The following FBXL7 variants were observed in gnomAD, a reference collection of about 807,000 sequenced individuals.
FBXL7 encodes F-box and leucine rich repeat protein 7.
In FBXL7, 12 loss-of-function variants were observed where a neutral mutation model predicts 38.3. The observed-to-expected ratio is 0.31, with a 90% confidence interval of 0.20 to 0.51. FBXL7 has a LOEUF of 0.51. FBXL7 is among the 20% of genes least tolerant of loss of function. FBXL7 has a pLI of 0.98. For synonymous variants in FBXL7, 297 were observed against 300.9 expected, an observed-to-expected ratio of 0.99 and a Z score of 0.13; for missense variants, 567 against 676.4, an observed-to-expected ratio of 0.84 and a Z score of 1.79.
chr5:15,715,405 C>T (rs376612692), intron 2 of FBXL7, among the ~76,000 whole-genome samples: 58 of 149,598 alleles, frequency 3.9e-4, no homozygotes, highest in African/African-American at 7.4e-4. Flanking sequence ...GCAGAAGAAT[C>T]GCTTGAACCT....
chr5:15,506,373 G>A (rs1471054455), intron 1 of FBXL7, among the ~76,000 whole-genome samples: 1 of 151,882 alleles, frequency 6.6e-6, no homozygotes, highest in Non-Finnish European at 1.5e-5. Context: ...ATTTTATCAC[G>A]CTACTTGGAA....
intron 1 of FBXL7, among the ~76,000 whole-genome samples, chr5:15,598,520 A>G (rs1019810): frequency 0.59 from 90,267 of 152,012 alleles, 27,257 homozygotes; most frequent in South Asian, 0.69. Context: ...CTGGGTTCAC[A>G]TAACTGAGAA....
chr5:15,873,599 G>A (rs373452224), intron 2 of FBXL7, among the ~76,000 whole-genome samples: 7 of 152,046 alleles, frequency 4.6e-5, no homozygotes, highest in African/African-American at 1.7e-4. Flanking sequence ...CACTGATCCC[G>A]CAGAAATACA....
chr5:15,663,129 T>C (rs1360415143), intron 2 of FBXL7, among the ~76,000 whole-genome samples: 3 of 152,256 alleles, frequency 2.0e-5, no homozygotes, highest in African/African-American at 7.2e-5. Context: ...TTCCTATTCA[T>C]GAGCATGGGA....
At chr5:15,739,072 G>C (rs1301574792) in intron 2 of FBXL7, among the ~76,000 whole-genome samples, 1 of 152,144 alleles carries the variant, frequency 6.6e-6, no homozygotes, top group African/African-American at 2.4e-5. Context: ...ATGTAACATT[G>C]GTTTCTCTCA....
At chr5:15,557,629 GTGAAGGGTAAGGAGGCC>G (rs1738286810) in intron 1 of FBXL7, among the ~76,000 whole-genome samples, 1 of 152,162 alleles carries the variant, frequency 6.6e-6, no homozygotes, top group African/African-American at 2.4e-5. Flanking sequence ...AGCCTGCTTC[GTGAAGGGTAAGGAGGCC>G]TGAAGACTGC....
intron 2 of FBXL7, among the ~76,000 whole-genome samples, chr5:15,918,067 C>T (rs1271826015): frequency 6.6e-6 from 1 of 151,930 alleles, no homozygotes; most frequent in African/African-American, 2.4e-5. Flanking sequence ...GGTGAAACCC[C>T]ATCTCTACAA....
chr5:15,694,785 T>C (rs1743282571), intron 2 of FBXL7, among the ~76,000 whole-genome samples: 1 of 151,664 alleles, frequency 6.6e-6, no homozygotes, highest in Non-Finnish European at 1.5e-5. Flanking sequence ...GGAGGTTGAG[T>C]GGAAAAAAAC....
chr5:15,610,721 T>C (rs1218834466), intron 1 of FBXL7, among the ~76,000 whole-genome samples: 2 of 152,186 alleles, frequency 1.3e-5, no homozygotes, highest in Non-Finnish European at 2.9e-5. Context: ...ATTTCCTAGG[T>C]GTTCACGATA....
At chr5:15,644,423 C>T (rs1337493249) in intron 2 of FBXL7, among the ~76,000 whole-genome samples, 2 of 151,776 alleles carry the variant, frequency 1.3e-5, no homozygotes, top group African/African-American at 4.8e-5. Flanking sequence ...TGCGGTGAGC[C>T]GAGATTGCGT....
chr5:15,697,075 G>T (rs1250264606), intron 2 of FBXL7, among the ~76,000 whole-genome samples: 1 of 152,150 alleles, frequency 6.6e-6, no homozygotes, highest in Non-Finnish European at 1.5e-5. Flanking sequence ...AGAGTATGTA[G>T]GTAACCTAAC....
intron 1 of FBXL7, among the ~76,000 whole-genome samples, chr5:15,614,394 C>T (rs949036666): frequency 5.9e-5 from 9 of 151,880 alleles, no homozygotes; most frequent in African/African-American, 2.2e-4. Context: ...CGCAGACTCC[C>T]GAGTAGCTAG....
At chr5:15,541,900 C>A (rs1251482046) in intron 1 of FBXL7, among the ~76,000 whole-genome samples, 2 of 152,008 alleles carry the variant, frequency 1.3e-5, no homozygotes, top group African/African-American at 2.4e-5. Flanking sequence ...CCTTACTTAA[C>A]CCCTGTTTCT....
chr5:15,903,993 T>A (rs1301498465), intron 2 of FBXL7, among the ~76,000 whole-genome samples: 1 of 152,174 alleles, frequency 6.6e-6, no homozygotes, highest in African/African-American at 2.4e-5. Context: ...GGGATCTAAG[T>A]GTAAGGTTGA....
chr5:15,515,604 A>C (rs183146245), intron 1 of FBXL7, among the ~76,000 whole-genome samples: 1 of 152,004 alleles, frequency 6.6e-6, no homozygotes, highest in Non-Finnish European at 1.5e-5. Flanking sequence ...TATTCAGTAG[A>C]ATACTGAAGA....
intron 2 of FBXL7, among the ~76,000 whole-genome samples, chr5:15,847,178 A>G (rs1202841785): frequency 6.6e-6 from 1 of 152,168 alleles, no homozygotes; most frequent in Non-Finnish European, 1.5e-5. Flanking sequence ...ATACAGACAT[A>G]CCCAAGACTG....
intron 2 of FBXL7, among the ~76,000 whole-genome samples, chr5:15,821,899 C>A (rs1275657455): frequency 2.0e-5 from 3 of 152,138 alleles, no homozygotes; most frequent in Non-Finnish European, 1.5e-5. Flanking sequence ...TCTAATTTCT[C>A]AGTTACAAAG....
intron 2 of FBXL7, among the ~76,000 whole-genome samples, chr5:15,916,448 G>A (rs949064397): frequency 1.9e-4 from 29 of 152,136 alleles, no homozygotes; most frequent in Admixed American, 2.6e-4. Flanking sequence ...CTTGTGGGCC[G>A]TGAGCCCATC....
chr5:15,721,823 T>TTTTATTTATTTATTTA (rs199590835), intron 2 of FBXL7, among the ~76,000 whole-genome samples: 2 of 151,422 alleles, frequency 1.3e-5, no homozygotes, highest in African/African-American at 4.8e-5. Flanking sequence ...ATAAGAATCC[T>TTTTATTTATTTATTTA]TTTATTTATT....
Sources: gnomAD v4.1 joint callset for allele counts (sites outside exome capture counted in the v4.1 genomes callset) on GRCh38, gnomAD v4.1.1 for gene constraint, MANE v1.5 for transcripts, NCBI Gene and HGNC (gene_info 2026-07-23, HGNC 2026-07-21) for gene names.